Variants in PHF14 observed in about 807,000 individuals in gnomAD.
PHF14 encodes PHD finger protein 14.
PHF14 carries 55 observed loss-of-function variants against 117.9 expected under a neutral mutation model. That is an observed-to-expected ratio of 0.47 (90% confidence interval 0.38 to 0.58). The LOEUF (loss-of-function observed/expected upper bound fraction) is 0.58. Among genes scored for constraint, PHF14 ranks in the 20% least tolerant of loss-of-function variants. The pLI, the probability that PHF14 is intolerant of heterozygous loss-of-function variation, is 0.00. For missense variants in PHF14, 978 were observed against 1,122.2 expected (o/e 0.87, Z 1.84); for synonymous variants, 409 against 368.6 (o/e 1.11, Z -1.26).
intron 16 of PHF14, among the ~76,000 whole-genome samples, chr7:11,068,037 A>G (rs560848684): frequency 5.3e-5 from 8 of 152,256 alleles, no homozygotes; most frequent in Non-Finnish European, 8.8e-5. Flanking sequence ...ACAGTAGAAT[A>G]TTATCCAGCC....
intron 14 of PHF14, among the ~76,000 whole-genome samples, chr7:11,060,572 A>C (rs893755814): frequency 6.6e-6 from 1 of 152,226 alleles, no homozygotes; most frequent in African/African-American, 2.4e-5. Context: ...TGTCGGAGTC[A>C]GCCTGAGATT....
At position 11,152,647 on chromosome 7, in the gene PHF14, C is replaced by T. The variant is rs549159610; in HGVS notation, c.2773-16769C>T. 3.1e-4 allele frequency among the ~76,000 whole-genome samples: 46 copies of T among 149,998 alleles called. 2 individuals carry two copies. The South Asian group carries it at 8.8e-3, about 29-fold the overall frequency. ...GAATAAGACTAACTTATAAGGATAT[C>T]GTAATAAGAAAAACAGAAAATCTGC... On this transcript the variant is annotated intron_variant, in intron 17 of 17. Transcript: ENST00000634607.
rs1583338008 is a variant in PHF14, at chr7:10,992,177, C to T, written c.1045+1330C>T. Among the ~76,000 whole-genome samples the T allele has an allele frequency of 2.0e-5, 3 of 151,514 alleles. No individual in the cohort carries two copies. In the East Asian group the frequency reaches 6.0e-4, roughly 30 times the overall value. On this transcript the variant is annotated intron_variant, in intron 4 of 17. Coordinates refer to ENST00000634607, the MANE Select transcript of PHF14 (RefSeq NM_001007157.2). Reference sequence around the variant, plus strand: ...CAAGCGATTCTCCTGCCTCAGCCTCCCGAGTAGCTGGGATTACAGGTGCCT... The same window carrying T: ...CAAGCGATTCTCCTGCCTCAGCCTCTCGAGTAGCTGGGATTACAGGTGCCT...
intron 17 of PHF14, among the ~76,000 whole-genome samples, chr7:11,166,294 T>C (rs557466432): frequency 1.4e-4 from 21 of 152,076 alleles, no homozygotes; most frequent in East Asian, 5.8e-4. Flanking sequence ...TCTTCTTTCA[T>C]TGGGAAACAA....
At chr7:11,086,536 A>G (rs1455900271) in intron 16 of PHF14, among the ~76,000 whole-genome samples, 1 of 152,146 alleles carries the variant, frequency 6.6e-6, no homozygotes, top group Non-Finnish European at 1.5e-5. Flanking sequence ...CTTAGTGTAT[A>G]AGCACCATTT....
chr7:10,993,458 T>C (rs369306657), intron 4 of PHF14, among the ~76,000 whole-genome samples: 1 of 152,316 alleles, frequency 6.6e-6, no homozygotes, highest in East Asian at 1.9e-4. Flanking sequence ...GTTACTGTTA[T>C]TCATTTATAT....
chr7:11,000,628 C>T (rs1782832103), intron 4 of PHF14, among the ~76,000 whole-genome samples: 1 of 152,104 alleles, frequency 6.6e-6, no homozygotes, highest in African/African-American at 2.4e-5. Context: ...CGTGAGCCAC[C>T]ACACCCACCC....
chr7:11,095,435 T>G (rs894509992), intron 16 of PHF14, among the ~76,000 whole-genome samples: 1 of 152,154 alleles, frequency 6.6e-6, no homozygotes, highest in Non-Finnish European at 1.5e-5. Context: ...ATATGATGGG[T>G]CTTTATTCTG....
At chr7:11,067,050 G>A (rs956406414) in intron 16 of PHF14, among the ~76,000 whole-genome samples, 2 of 152,088 alleles carry the variant, frequency 1.3e-5, no homozygotes, top group African/African-American at 4.8e-5. Context: ...TAGGATAGGG[G>A]GGAATATTTG....
At chr7:11,103,759 A>G (rs1787169333) in intron 16 of PHF14, 4 of 984,880 alleles carry the variant, frequency 4.1e-6, no homozygotes, top group Non-Finnish European at 4.8e-6. Flanking sequence ...GCTGTAATCT[A>G]GTGATCTCTA....
chr7:11,050,066 G>T (rs963985793), intron 13 of PHF14, among the ~76,000 whole-genome samples: 25 of 152,172 alleles, frequency 1.6e-4, no homozygotes, highest in African/African-American at 5.8e-4. Flanking sequence ...GGATTAATTT[G>T]TATTTTAGTA....
At chr7:11,014,047 G>A (rs1335156281) in intron 5 of PHF14, 141 bp downstream of exon 5, 2 of 528,412 alleles carry the variant, frequency 3.8e-6, no homozygotes, top group Non-Finnish European at 6.6e-6. Flanking sequence ...ATGACCAGTG[G>A]GATACAGATG....
At position 11,169,412 on chromosome 7, in the gene PHF14, A is replaced by C. The variant is rs1789300523; in HGVS notation, c.2773-4A>C. The C allele has an allele frequency of 6.6e-6, 9 of 1,370,420 alleles. No individual in the cohort carries two copies. The highest frequency in any genetic ancestry group is 9.1e-6 in the Non-Finnish European group (9 of 987,938). 84.9% of individuals were successfully genotyped at this position (1,370,420 alleles called of 1,614,324 possible). A position where few individuals can be genotyped will look rare whatever the true frequency, so the allele number is the denominator to read the frequency against. On this transcript the variant is annotated splice_region_variant and splice_polypyrimidine_tract_variant and intron_variant, in intron 17 of 17. Coordinates refer to ENST00000634607, the MANE Select transcript of PHF14 (RefSeq NM_001007157.2). ...TTTAATGTTTTCTAAAATTTATTTCACAGGAAGATGAAAATGAAGCTGAAA... is the reference window on the plus strand; with the variant it reads ...TTTAATGTTTTCTAAAATTTATTTCCCAGGAAGATGAAAATGAAGCTGAAA...
At chr7:10,992,041 A>G (rs1782474098) in intron 4 of PHF14, among the ~76,000 whole-genome samples, 1 of 151,534 alleles carries the variant, frequency 6.6e-6, no homozygotes, top group Non-Finnish European at 1.5e-5. Context: ...AATTTTTTGT[A>G]GCTTCTTCTT....
chr7:11,018,362 G>C (rs187844974), intron 5 of PHF14, among the ~76,000 whole-genome samples: 58 of 152,154 alleles, frequency 3.8e-4, no homozygotes, highest in African/African-American at 1.3e-3. Flanking sequence ...TAACAATATT[G>C]ATTCTTCCAG....
chr7:11,034,060 A>G (rs1038845926), intron 7 of PHF14, among the ~76,000 whole-genome samples: 5 of 152,158 alleles, frequency 3.3e-5, no homozygotes, highest in Non-Finnish European at 5.9e-5. Flanking sequence ...ATGTCTTCAA[A>G]TTCTGTGATA....
rs61250143 is a variant in PHF14 at position 10,985,638 on chromosome 7, GTTTTTTTTTT to G, written c.900+2501_900+2510del. On this transcript the variant is annotated intron_variant, in intron 3 of 17. Coordinates refer to ENST00000634607, the MANE Select transcript of PHF14 (RefSeq NM_001007157.2). The stretch of plus-strand genomic sequence containing the variant: ...ACTCTCTAGCAGTGATTCTCAAACT[GTTTTTTTTTT>G]TTTTTTTTTTTTTTTTTTTTTGGAG... 7.6e-3 allele frequency among the ~76,000 whole-genome samples: 347 copies of G among 45,944 alleles called. 1 individual carries two copies. The highest frequency in any genetic ancestry group is 0.025 in the African/African-American group (326 of 13,140). 30.1% of individuals were successfully genotyped at this position (45,944 alleles called of 152,430 possible).
At chr7:11,078,301 A>G (rs1191760795) in intron 16 of PHF14, among the ~76,000 whole-genome samples, 1 of 152,176 alleles carries the variant, frequency 6.6e-6, no homozygotes, top group Middle Eastern at 3.2e-3. Context: ...TAGTGCATTT[A>G]ATATTTATCT....
At chr7:11,069,861 T>C (rs561019917) in intron 16 of PHF14, among the ~76,000 whole-genome samples, 2 of 149,324 alleles carry the variant, frequency 1.3e-5, no homozygotes, top group African/African-American at 4.9e-5. Flanking sequence ...TATTTATTTA[T>C]TTTTTTCTGG....
Sources: allele counts gnomAD v4.1 joint callset (sites outside exome capture counted in the v4.1 genomes callset), GRCh38; gene constraint gnomAD v4.1.1; transcripts MANE v1.5; gene names NCBI Gene and HGNC (gene_info 2026-07-23, HGNC 2026-07-21).